MTHFD2: variants seen among roughly 807,000 people sequenced by gnomAD.
MTHFD2 encodes bifunctional methylenetetrahydrofolate dehydrogenase/cyclohydrolase, mitochondrial.
Under a neutral mutation model 36.8 loss-of-function variants are expected in MTHFD2, and 26 were observed. The ratio of observed to expected loss-of-function variants is 0.71; its 90% confidence interval spans 0.52 to 0.98. The LOEUF is 0.98. Ranked by LOEUF, MTHFD2 falls within the 50% of genes least tolerant of loss-of-function variation. The pLI is 0.00. For missense variants in MTHFD2, 373 were observed against 434.0 expected (o/e 0.86, Z 1.25); for synonymous variants, 164 against 155.2 (o/e 1.06, Z -0.42).
intron 4 of MTHFD2, among the ~76,000 whole-genome samples, chr2:74,209,478 C>T (rs896816408): frequency 2.0e-5 from 3 of 151,924 alleles, no homozygotes; most frequent in African/African-American, 7.3e-5. Context: ...GTCTTGATCT[C>T]CTGACCTTGT....
At chr2:74,208,516 A>G in intron 3 of MTHFD2, 53 bp from the exon 4 acceptor site, 2 of 1,569,746 alleles carry the variant, frequency 1.3e-6, no homozygotes, top group African/African-American at 1.4e-5. Flanking sequence ...GGAGTCAGGC[A>G]GTGCTGACTA....
At chr2:74,205,451 T>C (rs1185756752) in intron 1 of MTHFD2, among the ~76,000 whole-genome samples, 1 of 152,164 alleles carries the variant, frequency 6.6e-6, no homozygotes, top group Non-Finnish European at 1.5e-5. Flanking sequence ...AAATTAATGA[T>C]AATAATGATT....
rs1345193775 is a variant in MTHFD2, at chr2:74,216,849, T to C, written c.*2607T>C. Reference sequence around the variant, plus strand: ...GTCTTGACCTCCTGACCTCTGCTGATTCCCCCCACCTCTGCCTCCCAAGTA... The same window carrying C: ...GTCTTGACCTCCTGACCTCTGCTGACTCCCCCCACCTCTGCCTCCCAAGTA... On this transcript the variant is annotated 3_prime_UTR_variant, in exon 8 of 8. Transcript: ENST00000394053. 6.6e-6 allele frequency: 1 copy of C among 152,230 alleles called. No homozygotes were observed. Among genetic ancestry groups the C allele is most frequent in the East Asian group, 1.9e-4 (1 of 5,202 alleles). 9.4% of individuals were successfully genotyped at this position (152,230 alleles called of 1,614,324 possible). A position where few individuals can be genotyped will look rare whatever the true frequency, so the allele number is the denominator to read the frequency against.
rs141656706 is a variant in MTHFD2 at position 74,206,094 on chromosome 2, T to C, written c.286+205T>C. On this transcript the variant is annotated intron_variant, in intron 2 of 7. Coordinates refer to ENST00000394053, the MANE Select transcript of MTHFD2 (RefSeq NM_006636.4). The stretch of plus-strand genomic sequence containing the variant: ...CAGTAGGACAGGAGATACTGGTTGG[T>C]ATTCTCTGTGGCTTCTGGAAAGAAT... 6.8e-4 allele frequency: 318 copies of C among 464,858 alleles called. 1 individual carries two copies. Among genetic ancestry groups the C allele is most frequent in the African/African-American group, 5.7e-3 (294 of 51,894 alleles). 28.8% of individuals were successfully genotyped at this position (464,858 alleles called of 1,614,324 possible). A position where few individuals can be genotyped will look rare whatever the true frequency, so the allele number is the denominator to read the frequency against.
Position 74,198,675 on chromosome 2 carries a change from G to C in MTHFD2, c.34G>C (p.Ala12Pro). The C allele has an allele frequency of 3.1e-6, 5 of 1,611,132 alleles. No individual in the cohort carries two copies. The highest frequency in any genetic ancestry group is 4.2e-6 in the Non-Finnish European group (5 of 1,178,970). ...GACTTCTCTAATGTCTGCTTTGGCT[G>C]CCCGGCTGCTGCAGCCCGCGCACAG... ...AATSLMSALA[A>P]RLLQPAHSCS... Residue 12 changes from alanine to proline, a missense_variant, in exon 1 of 8, where the codon GCC becomes CCC. Transcript: ENST00000394053.
chr2:74,201,209 A>G (rs1424454400), intron 1 of MTHFD2, among the ~76,000 whole-genome samples: 1 of 151,858 alleles, frequency 6.6e-6, no homozygotes, highest in Non-Finnish European at 1.5e-5. Context: ...GCTGGTCTCG[A>G]CCTCCTGACC....
At chr2:74,202,649 C>A (rs575175105) in intron 1 of MTHFD2, among the ~76,000 whole-genome samples, 32 of 152,140 alleles carry the variant, frequency 2.1e-4, no homozygotes, top group Non-Finnish European at 4.3e-4. Context: ...GCCTCAGCCT[C>A]CCAAGTAGCT....
Position 74,198,626 on chromosome 2 carries a change from G to C in MTHFD2, c.-16G>C. ...GCGCGCGCGCTTCCCTCCCGGCGCAGTCACCGGCGCGGTCTATGGCTGCGA... is the reference window on the plus strand; with the variant it reads ...GCGCGCGCGCTTCCCTCCCGGCGCACTCACCGGCGCGGTCTATGGCTGCGA... On this transcript the variant is annotated 5_prime_UTR_variant, in exon 1 of 8. Coordinates refer to ENST00000394053, the MANE Select transcript of MTHFD2 (RefSeq NM_006636.4). 6.3e-7 allele frequency: 1 copy of C among 1,591,044 alleles called. No homozygotes were observed. Among genetic ancestry groups the C allele is most frequent in the Non-Finnish European group, 8.6e-7 (1 of 1,168,632 alleles).
rs774153523 is a variant in MTHFD2, at chr2:74,208,612, C to T, written c.453C>T (p.Asp151=). The T allele has an allele frequency of 8.1e-6, 13 of 1,614,124 alleles. No homozygotes were observed. The South Asian group carries it at 9.9e-5, about 12-fold the overall frequency. Residue 151 remains aspartate (D), a synonymous_variant, in exon 4 of 8, where the codon GAC becomes GAT. Coordinates refer to ENST00000394053, the MANE Select transcript of MTHFD2 (RefSeq NM_006636.4). ...ERRICNAVSP[D]KDVDGFHVIN... is the part of the protein sequence containing the mutation. ...GGATCTGCAATGCTGTTTCTCCAGA[C>T]AAGGATGTTGATGGCTTTCATGTAA...
intron 7 of MTHFD2, among the ~76,000 whole-genome samples, chr2:74,212,587 A>T (rs1694333297): frequency 1.3e-5 from 2 of 152,080 alleles, no homozygotes; most frequent in African/African-American, 2.4e-5. Context: ...TTTTCATAAG[A>T]ATTAGAGAAA....
At chr2:74,213,867 T>G (rs1694367362) in intron 7 of MTHFD2, among the ~76,000 whole-genome samples, 1 of 152,254 alleles carries the variant, frequency 6.6e-6, no homozygotes, top group Non-Finnish European at 1.5e-5. Context: ...CTTTATAGGT[T>G]ACTTAGATGT....
At chr2:74,212,556 C>T (rs1289500917) in intron 7 of MTHFD2, among the ~76,000 whole-genome samples, 4 of 152,184 alleles carry the variant, frequency 2.6e-5, no homozygotes, top group Non-Finnish European at 5.9e-5. Context: ...GTATGAGCCA[C>T]TGCACCTGGC....
At chr2:74,209,584 C>CA (rs1324528506) in intron 4 of MTHFD2, among the ~76,000 whole-genome samples, 1 of 151,652 alleles carries the variant, frequency 6.6e-6, no homozygotes, top group African/African-American at 2.4e-5. Context: ...CTTTAAGAGT[C>CA]AGAGGTTTCA....
intron 3 of MTHFD2, among the ~76,000 whole-genome samples, chr2:74,208,315 A>G (rs181616457): frequency 1.2e-4 from 18 of 152,376 alleles, no homozygotes; most frequent in African/African-American, 4.1e-4. Flanking sequence ...ACCAACTCAG[A>G]ATACCAATTA....
intron 1 of MTHFD2, among the ~76,000 whole-genome samples, chr2:74,199,074 G>C (rs1693976974): frequency 6.6e-6 from 1 of 152,234 alleles, no homozygotes; most frequent in South Asian, 2.1e-4. Context: ...CAGTTTACGC[G>C]GAGCCTTCCG....
rs1694389165 is a variant in MTHFD2, at chr2:74,214,604, C to G, written c.*362C>G. The G allele has an allele frequency of 1.3e-5, 2 of 155,214 alleles. No individual in the cohort carries two copies. The highest frequency in any genetic ancestry group is 2.4e-5 in the African/African-American group (1 of 41,512). 9.6% of individuals were successfully genotyped at this position (155,214 alleles called of 1,614,324 possible). A position where few individuals can be genotyped will look rare whatever the true frequency, so the allele number is the denominator to read the frequency against. ...TGCTATTGCAATAACAGTTGATACT[C>G]ATTTTAGGTACCAAACCTTTTGAGT... On this transcript the variant is annotated 3_prime_UTR_variant, in exon 8 of 8. Transcript: ENST00000394053.
chr2:74,209,321 C>T (rs2103825747), intron 4 of MTHFD2, among the ~76,000 whole-genome samples: 1 of 152,064 alleles, frequency 6.6e-6, no homozygotes, highest in Non-Finnish European at 1.5e-5. Flanking sequence ...CGACTCACTG[C>T]AAGCTCCACC....
intron 1 of MTHFD2, among the ~76,000 whole-genome samples, chr2:74,203,704 G>A (rs1187133894): frequency 6.6e-6 from 1 of 152,092 alleles, no homozygotes; most frequent in Non-Finnish European, 1.5e-5. Context: ...TCAGTACCTT[G>A]ATGTTAGGTT....
At chr2:74,210,862 C>T (rs1694288043) in intron 5 of MTHFD2, among the ~76,000 whole-genome samples, 1 of 150,488 alleles carries the variant, frequency 6.6e-6, no homozygotes, top group African/African-American at 2.5e-5. Context: ...TCTTGGCTCA[C>T]TGCAACCTCC....
Sources: allele counts gnomAD v4.1 joint callset (sites outside exome capture counted in the v4.1 genomes callset), GRCh38; gene constraint gnomAD v4.1.1; transcripts MANE v1.5; gene names NCBI Gene and HGNC (gene_info 2026-07-23, HGNC 2026-07-21).